DPP10: variants seen among roughly 807,000 people sequenced by gnomAD.
The protein encoded by DPP10 is inactive dipeptidyl peptidase 10.
In DPP10, 33 loss-of-function variants were observed where a neutral mutation model predicts 120.9. That is an observed-to-expected ratio of 0.27 (90% CI 0.21 to 0.37). The LOEUF is 0.37. DPP10 is among the 10% of genes least tolerant of loss of function. DPP10 has a pLI of 1.00. For synonymous variants in DPP10, 337 were observed against 326.1 expected (o/e 1.03, Z -0.36); for missense variants, 816 against 942.8 (o/e 0.87, Z 1.76).
At chr2:115,611,234 T>G (rs7572686) in intron 5 of DPP10, among the ~76,000 whole-genome samples, 150,425 of 152,296 alleles carry the variant, frequency 0.99, 74,319 homozygotes, top group East Asian at 1. Flanking sequence ...TTTGTATTCT[T>G]CACTTTTGAA....
At chr2:115,584,118 A>G (rs546883026) in intron 5 of DPP10, among the ~76,000 whole-genome samples, 5 of 152,196 alleles carry the variant, frequency 3.3e-5, no homozygotes, top group Non-Finnish European at 7.3e-5. Context: ...ATTCTGTATC[A>G]TGTTGACCAT....
At chr2:115,077,379 G>A (rs1707892947) in intron 1 of DPP10, among the ~76,000 whole-genome samples, 1 of 152,112 alleles carries the variant, frequency 6.6e-6, no homozygotes, top group Non-Finnish European at 1.5e-5. Context: ...GAACTTCAAA[G>A]AGGGATACAT....
At chr2:114,521,017 C>T (rs776023636) in intron 1 of DPP10, among the ~76,000 whole-genome samples, 4 of 151,938 alleles carry the variant, frequency 2.6e-5, no homozygotes, top group Non-Finnish European at 4.4e-5. Context: ...TTTCCTTATT[C>T]CAAGAAGCAC....
At chr2:114,623,355 C>T (rs1358101142) in intron 1 of DPP10, among the ~76,000 whole-genome samples, 1 of 151,984 alleles carries the variant, frequency 6.6e-6, no homozygotes, top group African/African-American at 2.4e-5. Context: ...AAACATTCTC[C>T]AAGATGATAC....
intron 5 of DPP10, among the ~76,000 whole-genome samples, chr2:115,539,996 G>A (rs1234003953): frequency 6.6e-6 from 1 of 151,868 alleles, no homozygotes; most frequent in Non-Finnish European, 1.5e-5. Flanking sequence ...TAAAGGTTGT[G>A]TGTTAGTAAA....
At chr2:115,210,713 A>G (rs890653960) in intron 1 of DPP10, among the ~76,000 whole-genome samples, 2 of 152,124 alleles carry the variant, frequency 1.3e-5, no homozygotes, top group Non-Finnish European at 2.9e-5. Flanking sequence ...TCACCATTCT[A>G]ACTGGTGTGA....
At chr2:115,318,555 T>C (rs922499174) in intron 2 of DPP10, among the ~76,000 whole-genome samples, 2 of 152,128 alleles carry the variant, frequency 1.3e-5, no homozygotes, top group African/African-American at 4.8e-5. Context: ...CTCATAAATA[T>C]GGAATGTCTT....
At chr2:115,296,574 A>G (rs758177870) in intron 1 of DPP10, among the ~76,000 whole-genome samples, 4 of 152,040 alleles carry the variant, frequency 2.6e-5, no homozygotes, top group Admixed American at 6.6e-5. Context: ...CCTGGATCTT[A>G]TTTAACTGGG....
intron 1 of DPP10, among the ~76,000 whole-genome samples, chr2:115,011,741 A>G (rs911558688): frequency 2.9e-4 from 44 of 152,212 alleles, no homozygotes; most frequent in Admixed American, 2.0e-3. Flanking sequence ...TTTTGCTCCA[A>G]GAACTACTGC....
chr2:115,566,505 A>G (rs976787395), intron 5 of DPP10, among the ~76,000 whole-genome samples: 1 of 152,028 alleles, frequency 6.6e-6, no homozygotes, highest in Non-Finnish European at 1.5e-5. Context: ...ACATATTACT[A>G]TTAAGATTCG....
At chr2:114,827,801 C>T (rs1221299566) in intron 1 of DPP10, among the ~76,000 whole-genome samples, 1 of 152,154 alleles carries the variant, frequency 6.6e-6, no homozygotes, top group Non-Finnish European at 1.5e-5. Flanking sequence ...TTCAAAGGCT[C>T]AACATTTTTA....
chr2:115,422,303 C>T (rs759527555), intron 3 of DPP10, among the ~76,000 whole-genome samples: 1 of 152,068 alleles, frequency 6.6e-6, no homozygotes, highest in Non-Finnish European at 1.5e-5. Context: ...TTTTTCTCTC[C>T]AAGAATACAT....
chr2:115,803,560 T>C (rs180782276), intron 19 of DPP10, among the ~76,000 whole-genome samples: 2,773 of 152,290 alleles, frequency 0.018, 85 homozygotes, highest in African/African-American at 0.061. Context: ...GTTTTTGCAG[T>C]GGCTGGTACC....
At chr2:115,280,922 A>T (rs2060132409) in intron 1 of DPP10, among the ~76,000 whole-genome samples, 1 of 152,340 alleles carries the variant, frequency 6.6e-6, no homozygotes, top group South Asian at 2.1e-4. Flanking sequence ...CACAAAAGCT[A>T]TCATTGAAAT....
intron 8 of DPP10, among the ~76,000 whole-genome samples, chr2:115,728,224 T>C (rs2092812044): frequency 6.6e-6 from 1 of 151,744 alleles, no homozygotes; most frequent in African/African-American, 2.4e-5. Context: ...CTTATGTCAC[T>C]TTGGAATTAG....
At chr2:114,944,202 C>A (rs1014896742) in intron 1 of DPP10, among the ~76,000 whole-genome samples, 1 of 152,028 alleles carries the variant, frequency 6.6e-6, no homozygotes, top group African/African-American at 2.4e-5. Context: ...GTAGATATTT[C>A]CTTGATGTTG....
At chr2:115,496,751 C>T (rs72959789) in intron 3 of DPP10, among the ~76,000 whole-genome samples, 1 of 152,048 alleles carries the variant, frequency 6.6e-6, no homozygotes, top group South Asian at 2.1e-4. Flanking sequence ...ACTGCAAAAA[C>T]CAGTTCACTG....
At chr2:114,852,298 C>T (rs1689010191) in intron 1 of DPP10, among the ~76,000 whole-genome samples, 1 of 151,684 alleles carries the variant, frequency 6.6e-6, no homozygotes, top group Non-Finnish European at 1.5e-5. Context: ...TTCCCTGCTC[C>T]TGATTGGCTC....
chr2:114,537,314 C>T (rs574105410), intron 1 of DPP10, among the ~76,000 whole-genome samples: 3 of 151,738 alleles, frequency 2.0e-5, no homozygotes, highest in East Asian at 3.9e-4. Flanking sequence ...GAAGGAAAAC[C>T]GATTACAGAG....
Sources: allele counts gnomAD v4.1 joint callset (sites outside exome capture counted in the v4.1 genomes callset), GRCh38; gene constraint gnomAD v4.1.1; transcripts MANE v1.5; gene names NCBI Gene and HGNC (gene_info 2026-07-23, HGNC 2026-07-21).